IRF5: variants seen among roughly 807,000 people sequenced by gnomAD.
The protein encoded by IRF5 is interferon regulatory factor 5.
A neutral mutation model predicts 55.1 loss-of-function variants in IRF5; 24 were observed. The observed-to-expected ratio is 0.44, with a 90% CI of 0.32 to 0.61. The LOEUF (loss-of-function observed/expected upper bound fraction) is 0.61. Among genes scored for constraint, IRF5 ranks in the 20% least tolerant of loss-of-function variants. The pLI is 0.07. For missense variants in IRF5, 499 were observed against 658.5 expected (o/e 0.76, Z 2.65); for synonymous variants, 258 against 260.2 (o/e 0.99, Z 0.08).
Position 128,946,547 on chromosome 7 carries a change from GGAA to G in IRF5, c.438_440del (p.Glu149del), listed in dbSNP as rs1222975102. The G allele has an allele frequency of 2.5e-6, 4 of 1,602,294 alleles. No individual in the cohort carries two copies. Among genetic ancestry groups the G allele is most frequent in the Admixed American group, 3.4e-5 (2 of 58,794 alleles). ...ACTCTTTTGGTGCAGGAGAGGAGGA[GGAA>G]GAAGAGGAAGAGGTGAGTGTGGGTT... On this transcript the variant is annotated inframe_deletion, in exon 4 of 9. Transcript: ENST00000357234. The surrounding 1 kb of genome is among the most constrained non-coding windows in gnomAD (Gnocchi z 4.2).
At chr7:128,939,647 G>C (rs552054428) in intron 1 of IRF5, among the ~76,000 whole-genome samples, 4 of 152,310 alleles carry the variant, frequency 2.6e-5, no homozygotes, top group Admixed American at 6.5e-5. Context: ...TGGTGCCCAT[G>C]AATTGCAGCT....
intron 2 of IRF5, among the ~76,000 whole-genome samples, chr7:128,942,623 C>A (rs966672303): frequency 1.3e-5 from 2 of 151,788 alleles, no homozygotes; most frequent in Non-Finnish European, 2.9e-5. Flanking sequence ...TGGCCTAGGG[C>A]ACATCTTTTC....
At chr7:128,940,513 T>G (rs1365895851) in intron 1 of IRF5, 2 of 152,508 alleles carry the variant, frequency 1.3e-5, no homozygotes, top group East Asian at 3.8e-4. Context: ...AAAAACTGTC[T>G]GCAAGTTTGG....
chr7:128,942,309 C>A, intron 2 of IRF5, 33 bp downstream of exon 2: 1 of 1,581,676 alleles, frequency 6.3e-7, no homozygotes, highest in Non-Finnish European at 8.6e-7. Context: ...GCTGGACCTC[C>A]AGGGCACCCT....
intron 1 of IRF5, chr7:128,938,308 C>G (rs1437964704): frequency 3.9e-5 from 6 of 152,288 alleles, no homozygotes; most frequent in Non-Finnish European, 8.8e-5. Flanking sequence ...TCCCACGCCC[C>G]GATCGGTTTG....
chr7:128,941,857 A>G (rs1796040642), intron 1 of IRF5, among the ~76,000 whole-genome samples: 1 of 152,220 alleles, frequency 6.6e-6, no homozygotes, highest in South Asian at 2.1e-4. Context: ...CCGCGCCCGC[A>G]GCATTCACTA....
rs141101009 is a variant in IRF5 at position 128,946,371 on chromosome 7, G to A, written c.386-130G>A. 1,801 of 1,139,274 alleles carry A rather than the reference G, an allele frequency of 1.6e-3. 3 individuals carry two copies. Among genetic ancestry groups the A allele is most frequent in the Non-Finnish European group, 1.8e-3 (1,414 of 798,876 alleles). The allele number at this position is 1,139,274 out of a possible 1,614,324, so 70.6% of individuals were successfully genotyped here. A position where few individuals can be genotyped will look rare whatever the true frequency, so the allele number is the denominator to read the frequency against. On this transcript the variant is annotated intron_variant, in intron 3 of 8. Coordinates refer to ENST00000357234, the MANE Select transcript of IRF5 (RefSeq NM_001098629.3). The surrounding 1 kb of genome is among the most constrained non-coding windows in gnomAD (Gnocchi z 4.2). ...TCCTGGTGGCTGTGCCCTCCACCTC[G>A]CCCTGTGTTGGGGGCAGCTTTGGGG...
In IRF5 at chr7:128,946,157, T is replaced by G; in HGVS notation, c.385+123T>G. On this transcript the variant is annotated intron_variant, in intron 3 of 8. Transcript: ENST00000357234. This position sits in a 1 kb window ranked among gnomAD's most constrained non-coding sequence, Gnocchi z 4.2. Reference sequence around the variant, plus strand: ...TAGCAGGCAGTGGTCCAGGAAACGATGCGGGGGCTCCCGCTAGGTCATGAC... The same window carrying G: ...TAGCAGGCAGTGGTCCAGGAAACGAGGCGGGGGCTCCCGCTAGGTCATGAC... 2 of 946,154 alleles carry G rather than the reference T, an allele frequency of 2.1e-6. No individual in the cohort carries two copies. The highest frequency in any genetic ancestry group is 5.4e-5 in the East Asian group (2 of 37,026). The allele number at this position is 946,154 out of a possible 1,614,324, so 58.6% of individuals were successfully genotyped here.
At chr7:128,945,359 G>T (rs1488240817) in intron 2 of IRF5, among the ~76,000 whole-genome samples, 1 of 152,130 alleles carries the variant, frequency 6.6e-6, no homozygotes, top group Non-Finnish European at 1.5e-5. Context: ...TCCCACCTTG[G>T]CCTCCCAAAA....
Position 128,947,545 on chromosome 7 carries a change from C to T in IRF5, c.787+10C>T, listed in dbSNP as rs2128965320. 6.5e-7 allele frequency: 1 copy of T among 1,540,996 alleles called. No homozygotes were observed. The highest frequency in any genetic ancestry group is 2.2e-5 in the East Asian group (1 of 44,496). ...CCCCACATGCTGCCTCGTAAGGACC[C>T]ATGGCTGGGCACGGGGAAGCAGTGC... On this transcript the variant is annotated intron_variant, in intron 6 of 8. Coordinates refer to ENST00000357234, the MANE Select transcript of IRF5 (RefSeq NM_001098629.3). The surrounding 1 kb of genome is among the most constrained non-coding windows in gnomAD (Gnocchi z 6.5).
In IRF5 at chr7:128,948,738, C is replaced by A. The variant is rs146164429; in HGVS notation, c.1465C>A (p.Pro489Thr). The change falls in exon 9 of 9, where the codon CCT becomes ACT. Residue 489 changes from proline to threonine, a missense_variant. Physicochemically the swap from Pro to Thr is conservative, Grantham distance 38. Coordinates refer to ENST00000357234, the MANE Select transcript of IRF5 (RefSeq NM_001098629.3). The surrounding 1 kb of genome is among the most constrained non-coding windows in gnomAD (Gnocchi z 4.6). ...CTGGCAGTCCCAGCAGCGGTTGCAG[C>A]CTGTGGCCCAGGCCCCTCCTGGAGC... ...HIWQSQQRLQPVAQAPPGAGL... is the reference protein window; with the variant it reads ...HIWQSQQRLQTVAQAPPGAGL... 6 of 1,613,360 alleles carry A rather than the reference C, an allele frequency of 3.7e-6. No individual in the cohort carries two copies. The African/African-American group carries it at 8.0e-5, about 22-fold the overall frequency.
At position 128,945,821 on chromosome 7, in the gene IRF5, G is replaced by T. The variant is rs1282586924; in HGVS notation, c.196-24G>T. 2.5e-6 allele frequency: 4 copies of T among 1,595,278 alleles called. No homozygotes were observed. In the South Asian group the frequency reaches 4.5e-5, roughly 18 times the overall value. ...TGTGGCAGGGATGAGGTTCTCTGTG[G>T]TCGGCTATTTCTTCCTGCCCCAGGC... is the stretch of plus-strand genomic sequence containing the variant. On this transcript the variant is annotated intron_variant, in intron 2 of 8. Coordinates refer to ENST00000357234, the MANE Select transcript of IRF5 (RefSeq NM_001098629.3).
Position 128,946,711 on chromosome 7 carries a change from G to A in IRF5, c.447+149G>A, listed in dbSNP as rs1796325491. On this transcript the variant is annotated intron_variant, in intron 4 of 8. Transcript: ENST00000357234. The surrounding 1 kb of genome is among the most constrained non-coding windows in gnomAD (Gnocchi z 4.2). ...TCTTCTCCTGGGATTCTGAACGATA[G>A]GAGCACAGTCCCCACCTGCTCCTTC... is the stretch of plus-strand genomic sequence containing the variant. 6.0e-6 allele frequency: 4 copies of A among 662,318 alleles called. No individual in the cohort carries two copies. In the South Asian group the frequency reaches 7.1e-5, roughly 12 times the overall value. 41.0% of individuals were successfully genotyped at this position (662,318 alleles called of 1,614,324 possible).
rs1796481250 is a variant in IRF5, at chr7:128,948,908, G to A, written c.*90G>A. On this transcript the variant is annotated 3_prime_UTR_variant, in exon 9 of 9. Transcript: ENST00000357234. The surrounding 1 kb of genome is among the most constrained non-coding windows in gnomAD (Gnocchi z 4.6). ...GACAGCCCCGATGAGCACCTGGCTG[G>A]CTGCAGGGTCCTACCTCTGGGTTTC... 6 of 1,483,414 alleles carry A rather than the reference G, an allele frequency of 4.0e-6. No individual in the cohort carries two copies. The Admixed American group carries it at 1.1e-4, about 28-fold the overall frequency. The allele number at this position is 1,483,414 out of a possible 1,614,324, so 91.9% of individuals were successfully genotyped here. A position where few individuals can be genotyped will look rare whatever the true frequency, so the allele number is the denominator to read the frequency against.
At chr7:128,942,455 CT>C (rs555885372) in intron 2 of IRF5, among the ~76,000 whole-genome samples, 179 bp downstream of exon 2, 8,061 of 144,124 alleles carry the variant, frequency 0.056, 655 homozygotes, top group African/African-American at 0.18. Context: ...CACCTTTTTC[CT>C]TTTTTTTTTT....
chr7:128,942,720 C>T (rs1796097606), intron 2 of IRF5, among the ~76,000 whole-genome samples: 1 of 152,154 alleles, frequency 6.6e-6, no homozygotes, highest in Non-Finnish European at 1.5e-5. Context: ...GCTCGTCTCA[C>T]TCCTATTACT....
chr7:128,938,479 C>T (rs1007242079), intron 1 of IRF5, among the ~76,000 whole-genome samples: 1 of 152,186 alleles, frequency 6.6e-6, no homozygotes, highest in Non-Finnish European at 1.5e-5. Flanking sequence ...GAGCGAGGCC[C>T]GATCCTTACT....
In IRF5 at chr7:128,942,223, A is replaced by C; in HGVS notation, c.142A>C (p.Arg48=). 6.2e-7 allele frequency: 1 copy of C among 1,614,058 alleles called. No individual in the cohort carries two copies. The change falls in exon 2 of 9, where the codon AGG becomes CGG. Residue 48 remains arginine (R), a synonymous_variant. Transcript: ENST00000357234. ...GEKKLFCIPW[R]HATRHGPSQD... ...AAAGAAATTATTCTGCATCCCCTGG[A>C]GGCATGCCACAAGGCATGGTCCCAG...
At chr7:128,944,111 GAAT>G (rs1796182381) in intron 2 of IRF5, among the ~76,000 whole-genome samples, 1 of 152,178 alleles carries the variant, frequency 6.6e-6, no homozygotes, top group African/African-American at 2.4e-5. Flanking sequence ...GGAATCAAGT[GAAT>G]ATCTTGATTT....
Sources: allele counts gnomAD v4.1 joint callset (sites outside exome capture counted in the v4.1 genomes callset), GRCh38; gene constraint gnomAD v4.1.1; non-coding constraint Gnocchi (gnomAD v3.1); transcripts MANE v1.5; gene names NCBI Gene and HGNC (gene_info 2026-07-23, HGNC 2026-07-21).